Variants in MCAM observed in about 807,000 individuals in gnomAD.
MCAM encodes the protein cell surface glycoprotein MUC18.
A neutral mutation model predicts 79.1 loss-of-function variants in MCAM; 55 were observed. That is an observed-to-expected ratio of 0.70 (90% CI 0.56 to 0.87). The LOEUF (loss-of-function observed/expected upper bound fraction) is 0.87. MCAM is among the 40% of genes least tolerant of loss of function. The pLI is 0.00. For missense variants in MCAM, 745 were observed against 839.8 expected (o/e 0.89, Z 1.40); for synonymous variants, 330 against 339.8 (o/e 0.97, Z 0.32).
Position 119,311,929 on chromosome 11 carries a change from C to T in MCAM, c.1164G>A (p.Arg388=), listed in dbSNP as rs1591283406. ...LREETGQVLE[R]GPVLQLHDLK... is the part of the protein sequence containing the mutation. ...GGTCATGCAACTGAAGCACAGGCCC[C>T]CTTTCCAGCACCTGGCCTGTCTGGG... Residue 388 remains arginine, a synonymous_variant, in exon 10 of 16, where the codon AGG becomes AGA. Coordinates refer to ENST00000264036, the MANE Select transcript of MCAM (RefSeq NM_006500.3). This position sits in a 1 kb window ranked among gnomAD's most constrained non-coding sequence, Gnocchi z 4.4. The T allele has an allele frequency of 6.2e-7, 1 of 1,613,834 alleles. No individual in the cohort carries two copies. The highest frequency in any genetic ancestry group is 8.5e-7 in the Non-Finnish European group (1 of 1,180,010).
At chr11:119,313,967 G>A in intron 5 of MCAM, 1 of 965,542 alleles carries the variant, frequency 1.0e-6, no homozygotes, top group Non-Finnish European at 1.2e-6. Flanking sequence ...CAAATACATA[G>A]AAATAGGCTT....
intron 5 of MCAM, chr11:119,313,629 G>A (rs988540586): frequency 3.5e-5 from 9 of 259,350 alleles, no homozygotes; most frequent in Non-Finnish European, 6.8e-5. Context: ...TTGAACTCCC[G>A]ACCTCAGGTG....
chr11:119,314,920 G>C lies in MCAM; in HGVS notation c.313C>G (p.Gln105Glu). 1 of 1,613,146 alleles carries C rather than the reference G, an allele frequency of 6.2e-7. No homozygotes were observed. Among genetic ancestry groups the C allele is most frequent in the Admixed American group, 1.7e-5 (1 of 60,026 alleles). ...ATGCGCTCGTCTTGGGGGGTGACTT[G>C]AGTCAGGGCCAGAGTAGCCCCTCTG... Reference protein sequence around the residue: ...QDRGATLALTQVTPQDERIFL... With the variant: ...QDRGATLALTEVTPQDERIFL... Residue 105 changes from glutamine (Q) to glutamate (E), a missense_variant, in exon 3 of 16, where the codon CAA becomes GAA. Physicochemically the swap from Gln to Glu is conservative, Grantham distance 29. Coordinates refer to ENST00000264036, the MANE Select transcript of MCAM (RefSeq NM_006500.3).
chr11:119,313,280 G>T (rs1196066420), intron 5 of MCAM: 1 of 1,352,544 alleles, frequency 7.4e-7, no homozygotes, highest in South Asian at 1.2e-5. Context: ...TTGGCAGTAA[G>T]CAAAACGATC....
rs1565283156 is a variant in MCAM at position 119,315,144 on chromosome 11, A to G, written c.187T>C (p.Phe63Leu). 6.2e-7 allele frequency: 1 copy of G among 1,613,304 alleles called. No individual in the cohort carries two copies. Among genetic ancestry groups the G allele is most frequent in the Non-Finnish European group, 8.5e-7 (1 of 1,179,940 alleles). ...SQGNLSHVDW[F>L]SVHKEKRTLI... The stretch of plus-strand genomic sequence containing the variant: ...GCAGGAGCCCAAGCACTCACAGAAA[A>G]CCAGTCGACATGGCTGAGGTTGCCT... Residue 63 changes from phenylalanine (F) to leucine (L), a missense_variant, in exon 2 of 16, where the codon TTT becomes CTT. Coordinates refer to ENST00000264036, the MANE Select transcript of MCAM (RefSeq NM_006500.3). The surrounding 1 kb of genome is among the most constrained non-coding windows in gnomAD (Gnocchi z 4.4).
rs373019435 is a variant in MCAM, at chr11:119,315,110, G to A, written c.192+29C>T. 1.1e-5 allele frequency: 18 copies of A among 1,612,934 alleles called. No homozygotes were observed. In the African/African-American group the frequency reaches 2.1e-4, roughly 19 times the overall value. ...AGAGGGGCAGAGTCTCCCTCCCCGG[G>A]CTGCTCTTGCAGGAGCCCAAGCACT... On this transcript the variant is annotated intron_variant, in intron 2 of 15. Transcript: ENST00000264036. The surrounding 1 kb of genome is among the most constrained non-coding windows in gnomAD (Gnocchi z 4.4).
intron 5 of MCAM, chr11:119,313,396 AT>A (rs747407625): frequency 0.17 from 139,888 of 847,662 alleles, 8 homozygotes; most frequent in Middle Eastern, 0.25. Flanking sequence ...ACTACTGATA[AT>A]TTTTTTTTTT....
rs1950298737 is a variant in MCAM at position 119,315,415 on chromosome 11, CGCCCCACCTGG to C, written c.68-163_68-153del. ...AACGCTCTACCCCCACCCCGACCCG[CGCCCCACCTGG>C]GCCAGCCCTCTCCCCGTCCAGGAGA... On this transcript the variant is annotated intron_variant, in intron 1 of 15. Transcript: ENST00000264036. This position sits in a 1 kb window ranked among gnomAD's most constrained non-coding sequence, Gnocchi z 4.4. 1 of 997,554 alleles carries C rather than the reference CGCCCCACCTGG, an allele frequency of 1.0e-6. No homozygotes were observed. Among genetic ancestry groups the C allele is most frequent in the African/African-American group, 1.6e-5 (1 of 61,446 alleles). The allele number at this position is 997,554 out of a possible 1,614,324, so 61.8% of individuals were successfully genotyped here.
Position 119,315,376 on chromosome 11 carries a change from G to T in MCAM, c.68-113C>A. 7.3e-7 allele frequency: 1 copy of T among 1,369,536 alleles called. No individual in the cohort carries two copies. Among genetic ancestry groups the T allele is most frequent in the Non-Finnish European group, 9.8e-7 (1 of 1,016,190 alleles). The allele number at this position is 1,369,536 out of a possible 1,614,324, so 84.8% of individuals were successfully genotyped here. ...CCTGCCACTCAGAGGGTCTGCAGAG[G>T]GCCCTGTCCTCTGAACGCTCTACCC... On this transcript the variant is annotated intron_variant, in intron 1 of 15. Transcript: ENST00000264036. This position sits in a 1 kb window ranked among gnomAD's most constrained non-coding sequence, Gnocchi z 4.4.
chr11:119,312,661 AG>A lies in MCAM; in HGVS notation c.740-14del. The A allele has an allele frequency of 6.2e-7, 1 of 1,613,852 alleles. No homozygotes were observed. Among genetic ancestry groups the A allele is most frequent in the Non-Finnish European group, 8.5e-7 (1 of 1,180,000 alleles). On this transcript the variant is annotated splice_polypyrimidine_tract_variant and intron_variant, in intron 6 of 15. Transcript: ENST00000264036. This position sits in a 1 kb window ranked among gnomAD's most constrained non-coding sequence, Gnocchi z 4.9. Reference sequence around the variant, plus strand: ...TTTTCTGTCGGGTCTGCATAGGCAAAGGGGGTAGCTCTTGGCCCATGAGTCA... The same window carrying A: ...TTTTCTGTCGGGTCTGCATAGGCAAAGGGGTAGCTCTTGGCCCATGAGTCA...
rs1277843316 is a variant in MCAM, at chr11:119,309,509, T to TG, written c.*376dup. The stretch of plus-strand genomic sequence containing the variant: ...CACCTGGATGGTGGAAGCCAGCCTT[T>TG]GGGGCAGGAAACCAGCTCAGAGAGG... On this transcript the variant is annotated 3_prime_UTR_variant, in exon 16 of 16. Transcript: ENST00000264036. The TG allele has an allele frequency of 7.2e-6, 2 of 276,442 alleles. No homozygotes were observed. Among genetic ancestry groups the TG allele is most frequent in the Non-Finnish European group, 1.4e-5 (2 of 144,148 alleles). The allele number at this position is 276,442 out of a possible 1,614,324, so 17.1% of individuals were successfully genotyped here. A position where few individuals can be genotyped will look rare whatever the true frequency, so the allele number is the denominator to read the frequency against.
rs1164361749 is a variant in MCAM at position 119,311,610 on chromosome 11, T to C, written c.1327A>G (p.Lys443Glu). 6.2e-7 allele frequency: 1 copy of C among 1,614,132 alleles called. No homozygotes were observed. Among genetic ancestry groups the C allele is most frequent in the South Asian group, 1.1e-5 (1 of 91,074 alleles). ...MAFKERKVWVKENMVLNLSCE... is the reference protein window; with the variant it reads ...MAFKERKVWVEENMVLNLSCE... ...GACAGATTCAACACCATATTCTCTT[T>C]CACCCACACCTTCCTCTCCTTGAAT... is the stretch of plus-strand genomic sequence containing the variant. Residue 443 changes from lysine to glutamate, a missense_variant, in exon 11 of 16, where the codon AAA becomes GAA. By Grantham distance (56) the Lys-to-Glu change is moderately conservative. Coordinates refer to ENST00000264036, the MANE Select transcript of MCAM (RefSeq NM_006500.3). The surrounding 1 kb of genome is among the most constrained non-coding windows in gnomAD (Gnocchi z 4.4).
Position 119,315,402 on chromosome 11 carries a change from C to G in MCAM, c.68-139G>C. ...GCCCTGTCCTCTGAACGCTCTACCC[C>G]CACCCCGACCCGCGCCCCACCTGGG... On this transcript the variant is annotated intron_variant, in intron 1 of 15. Transcript: ENST00000264036. The surrounding 1 kb of genome is among the most constrained non-coding windows in gnomAD (Gnocchi z 4.4). The G allele has an allele frequency of 8.9e-7, 1 of 1,119,884 alleles. No homozygotes were observed. The highest frequency in any genetic ancestry group is 1.2e-6 in the Non-Finnish European group (1 of 804,272). The allele number at this position is 1,119,884 out of a possible 1,614,324, so 69.4% of individuals were successfully genotyped here.
intron 5 of MCAM, 46 bp downstream of exon 5, chr11:119,314,443 A>C (rs944751388): frequency 2.6e-6 from 4 of 1,523,816 alleles, no homozygotes; most frequent in Non-Finnish European, 2.7e-6. Flanking sequence ...GGTGTGAGCT[A>C]CCACACCTGG....
At position 119,315,078 on chromosome 11, in the gene MCAM, G is replaced by A. The variant is rs776894745; in HGVS notation, c.193-38C>T. ...GACACAGAGGAGGAGAAGGGTCCTG[G>A]GCTACAAGAGGGGCAGAGTCTCCCT... On this transcript the variant is annotated intron_variant, in intron 2 of 15. Transcript: ENST00000264036. The surrounding 1 kb of genome is among the most constrained non-coding windows in gnomAD (Gnocchi z 4.4). 1.2e-6 allele frequency: 2 copies of A among 1,610,758 alleles called. No individual in the cohort carries two copies. Among genetic ancestry groups the A allele is most frequent in the Non-Finnish European group, 1.7e-6 (2 of 1,179,740 alleles).
rs201060118 is a variant in MCAM, at chr11:119,310,814, G to A, written c.1735C>T (p.Leu579Phe). 1 of 1,614,154 alleles carries A rather than the reference G, an allele frequency of 6.2e-7. No homozygotes were observed. The highest frequency in any genetic ancestry group is 8.5e-7 in the Non-Finnish European group (1 of 1,180,024). Residue 579 changes from leucine (L) to phenylalanine (F), a missense_variant, in exon 14 of 16, where the codon CTC becomes TTC. Coordinates refer to ENST00000264036, the MANE Select transcript of MCAM (RefSeq NM_006500.3). ...TTGCCCTTCTTATAGAGGAAATAGAGGACAGCGCCCAGCACCGCCAGGACC... is the reference window on the plus strand; with the variant it reads ...TTGCCCTTCTTATAGAGGAAATAGAAGACAGCGCCCAGCACCGCCAGGACC... ...ILVLAVLGAV[L>F]YFLYKKGKLP... is the part of the protein sequence containing the mutation.
In MCAM at chr11:119,316,904, CG is replaced by C; in HGVS notation, c.67+130del. On this transcript the variant is annotated intron_variant, in intron 1 of 15. Coordinates refer to ENST00000264036, the MANE Select transcript of MCAM (RefSeq NM_006500.3). This position sits in a 1 kb window ranked among gnomAD's most constrained non-coding sequence, Gnocchi z 4.8. ...GCTCGCGCGCAAGGCGCCCGGGGAT[CG>C]GGGACCCAGGGAGGAGGCTCGTCCT... The C allele has an allele frequency of 2.8e-6, 2 of 725,938 alleles. No homozygotes were observed. The highest frequency in any genetic ancestry group is 4.2e-6 in the Non-Finnish European group (2 of 471,380). 45.0% of individuals were successfully genotyped at this position (725,938 alleles called of 1,614,324 possible).
chr11:119,317,042 G>A lies in MCAM; in HGVS notation c.60C>T (p.Arg20=). 2 of 1,533,740 alleles carry A rather than the reference G, an allele frequency of 1.3e-6. No individual in the cohort carries two copies. The highest frequency in any genetic ancestry group is 1.7e-6 in the Non-Finnish European group (2 of 1,144,380). The change falls in exon 1 of 16, where the codon CGC becomes CGT. Residue 20 remains arginine (R), a synonymous_variant. Coordinates refer to ENST00000264036, the MANE Select transcript of MCAM (RefSeq NM_006500.3). This position sits in a 1 kb window ranked among gnomAD's most constrained non-coding sequence, Gnocchi z 6.2. The stretch of plus-strand genomic sequence containing the variant: ...CCCTGCGAGCGAACTCACCCGCGAC[G>A]CGAGGACAGCAGCAGCAGGCGGCGA... ...FLLAACCCCP[R]VAGVPGEAEQ... is the part of the protein sequence containing the mutation.
In MCAM at chr11:119,309,901, G is replaced by T. The variant is rs764163259; in HGVS notation, c.1926C>A (p.Ile642=). ...TGATTCGGGGCTAATGCCTCAGATC[G>T]ATGTATTTCTCTCCCTAAAAGTGGG... ...RAPGDQGEKY[I]DLRH is the part of the protein sequence containing the mutation. Residue 642 remains isoleucine, a synonymous_variant, in exon 16 of 16, where the codon ATC becomes ATA. Transcript: ENST00000264036. The T allele has an allele frequency of 1.2e-6, 2 of 1,601,490 alleles. No individual in the cohort carries two copies. The highest frequency in any genetic ancestry group is 2.2e-5 in the East Asian group (1 of 44,662).
Sources: gnomAD v4.1 joint callset for allele counts on GRCh38, gnomAD v4.1.1 for gene constraint, Gnocchi (gnomAD v3.1) non-coding constraint, MANE v1.5 for transcripts, NCBI Gene and HGNC (gene_info 2026-07-23, HGNC 2026-07-21) for gene names.